The following DRC11 variants were observed in gnomAD, a reference collection of about 807,000 sequenced individuals.
DRC11 encodes IQ and AAA domain-containing protein 1.
chr2:236,494,387 TTGC>T, the DRC11 span, among the ~76,000 whole-genome samples: 1 of 152,236 alleles, frequency 6.6e-6, no homozygotes, highest in Non-Finnish European at 1.5e-5. This position sits in a 1 kb window ranked among gnomAD's most constrained non-coding sequence, Gnocchi z 4.2. Flanking sequence ...CAAAAGTAGT[TTGC>T]TTTATTGTGA....
At chr2:236,447,135 C>T in the DRC11 span, among the ~76,000 whole-genome samples, 26 of 151,742 alleles carry the variant, frequency 1.7e-4, no homozygotes, top group South Asian at 5.2e-3. This position sits in a 1 kb window ranked among gnomAD's most constrained non-coding sequence, Gnocchi z 4.6. Flanking sequence ...CTTCATGGGA[C>T]CTGTCTCCAT....
the DRC11 span, among the ~76,000 whole-genome samples, chr2:236,330,294 G>A: frequency 6.6e-6 from 1 of 152,230 alleles, no homozygotes; most frequent in African/African-American, 2.4e-5. The surrounding 1 kb of genome is among the most constrained non-coding windows in gnomAD (Gnocchi z 5.5). Flanking sequence ...TTGGAACCCA[G>A]CCATACGCAT....
the DRC11 span, among the ~76,000 whole-genome samples, chr2:236,375,087 A>G: frequency 6.6e-6 from 1 of 152,046 alleles, no homozygotes; most frequent in Non-Finnish European, 1.5e-5. This position sits in a 1 kb window ranked among gnomAD's most constrained non-coding sequence, Gnocchi z 4.2. Context: ...ACCGTTCATG[A>G]GAAACTGCCC....
the DRC11 span, chr2:236,408,245 G>A: frequency 6.4e-5 from 54 of 844,984 alleles, no homozygotes; most frequent in Admixed American, 2.6e-4. The surrounding 1 kb of genome is among the most constrained non-coding windows in gnomAD (Gnocchi z 5.5). Flanking sequence ...ATCTCAGTGC[G>A]GTGATGGTAG....
At chr2:236,335,113 G>A in the DRC11 span, among the ~76,000 whole-genome samples, 4 of 152,216 alleles carry the variant, frequency 2.6e-5, no homozygotes, top group African/African-American at 9.7e-5. This position sits in a 1 kb window ranked among gnomAD's most constrained non-coding sequence, Gnocchi z 5.6. Flanking sequence ...GTGGCCCGGA[G>A]GAATTTGAGG....
chr2:236,357,713 T>C, the DRC11 span, among the ~76,000 whole-genome samples: 1 of 126,290 alleles, frequency 7.9e-6, no homozygotes. Flanking sequence ...TGTAAATATG[T>C]ATTTATAATA....
the DRC11 span, among the ~76,000 whole-genome samples, chr2:236,474,846 GA>G: frequency 6.6e-6 from 1 of 151,880 alleles, no homozygotes; most frequent in Non-Finnish European, 1.5e-5. Context: ...TTTTAAAAAT[GA>G]ATGCATAATA....
At chr2:236,383,109 G>A in the DRC11 span, among the ~76,000 whole-genome samples, 393 of 152,204 alleles carry the variant, frequency 2.6e-3, 3 homozygotes, top group Middle Eastern at 0.014. Context: ...AGGTTTTGGA[G>A]TACTGATCTA....
At chr2:236,308,606 C>T in the DRC11 span, among the ~76,000 whole-genome samples, 3 of 152,156 alleles carry the variant, frequency 2.0e-5, no homozygotes, top group African/African-American at 7.2e-5. This position sits in a 1 kb window ranked among gnomAD's most constrained non-coding sequence, Gnocchi z 6.0. Flanking sequence ...AAGGAATGTG[C>T]AGCATTTGTC....
the DRC11 span, among the ~76,000 whole-genome samples, chr2:236,422,790 G>A: frequency 6.6e-6 from 1 of 152,040 alleles, no homozygotes; most frequent in African/African-American, 2.4e-5. Context: ...CACACTACCT[G>A]ACTTCAAACT....
chr2:236,387,872 T>G, the DRC11 span, among the ~76,000 whole-genome samples: 3 of 152,168 alleles, frequency 2.0e-5, no homozygotes, highest in Non-Finnish European at 4.4e-5. Flanking sequence ...TGACAAAATC[T>G]GCAGCATTTG....
the DRC11 span, among the ~76,000 whole-genome samples, chr2:236,343,266 T>C: frequency 6.6e-6 from 1 of 152,194 alleles, no homozygotes; most frequent in Non-Finnish European, 1.5e-5. This position sits in a 1 kb window ranked among gnomAD's most constrained non-coding sequence, Gnocchi z 6.6. Flanking sequence ...CCTCTGGCTC[T>C]CTCAGGAGGA....
the DRC11 span, chr2:236,338,302 C>T: frequency 9.9e-6 from 16 of 1,613,960 alleles, no homozygotes; most frequent in South Asian, 1.5e-4. Context: ...GCCGTGTGGT[C>T]CCCACAATCA....
the DRC11 span, among the ~76,000 whole-genome samples, chr2:236,355,350 C>T: frequency 1.7e-3 from 257 of 152,358 alleles, no homozygotes; most frequent in African/African-American, 6.1e-3. Flanking sequence ...TCTGCACTTT[C>T]TCCTCCCTTT....
chr2:236,491,003 GTGTGTATATA>G, the DRC11 span, among the ~76,000 whole-genome samples: 2 of 132,422 alleles, frequency 1.5e-5, no homozygotes, highest in Non-Finnish European at 3.3e-5. Context: ...AGAATATATT[GTGTGTATATA>G]TGTGTATATA....
chr2:236,357,025 A>ATT, the DRC11 span, among the ~76,000 whole-genome samples: 1 of 111,608 alleles, frequency 9.0e-6, no homozygotes, highest in African/African-American at 3.6e-5. Flanking sequence ...TTATATATCT[A>ATT]TATATTTATA....
the DRC11 span, among the ~76,000 whole-genome samples, chr2:236,437,146 G>A: frequency 7.2e-6 from 1 of 138,400 alleles, no homozygotes. Context: ...CTCTGTCCAT[G>A]TGTTCTCATT....
At chr2:236,395,229 C>G in the DRC11 span, among the ~76,000 whole-genome samples, 1 of 152,016 alleles carries the variant, frequency 6.6e-6, no homozygotes, top group Admixed American at 6.5e-5. Context: ...AGGTGGCCAG[C>G]CCAAAACAGG....
the DRC11 span, chr2:236,338,153 T>G: frequency 3.9e-6 from 6 of 1,557,602 alleles, no homozygotes; most frequent in Non-Finnish European, 5.2e-6. Context: ...AAGCACACAG[T>G]GGACAGCCCA....
Sources: gnomAD v4.1 joint callset for allele counts (sites outside exome capture counted in the v4.1 genomes callset) on GRCh38, gnomAD v4.1.1 for gene constraint, Gnocchi (gnomAD v3.1) non-coding constraint, MANE v1.5 for transcripts, NCBI Gene and HGNC (gene_info 2026-07-23, HGNC 2026-07-21) for gene names.